Variants in OXR1 observed in about 807,000 individuals in gnomAD.
The protein encoded by OXR1 is oxidation resistance protein 1.
In OXR1, 41 loss-of-function variants were observed where a neutral mutation model predicts 104.6. The observed-to-expected ratio is 0.39, with a 90% confidence interval of 0.31 to 0.51. The LOEUF (loss-of-function observed/expected upper bound fraction) is 0.51. Ranked by LOEUF, OXR1 falls within the 20% of genes least tolerant of loss-of-function variation. OXR1 has a pLI of 0.77. For synonymous variants in OXR1, 348 were observed against 348.4 expected (o/e 1.00, Z 0.01); for missense variants, 955 against 1,031.9 (o/e 0.93, Z 1.02).
rs553219232 is a variant in OXR1 at position 106,370,576 on chromosome 8, A to G, written c.23+10940A>G. The stretch of plus-strand genomic sequence containing the variant: ...TATTATTTTGAGATATATTCCATCA[A>G]TACCTAGTTTATTGAGAGTTTTTAA... On this transcript the variant is annotated intron_variant, in intron 2 of 16. Transcript: ENST00000517566. Among the ~76,000 whole-genome samples, 3 of 152,322 alleles carry G rather than the reference A, an allele frequency of 2.0e-5. No homozygotes were observed. In the South Asian group the frequency reaches 6.2e-4, roughly 32 times the overall value.
chr8:106,521,173 C>A (rs753669067), intron 3 of OXR1, among the ~76,000 whole-genome samples: 2 of 152,112 alleles, frequency 1.3e-5, no homozygotes, highest in Non-Finnish European at 2.9e-5. Flanking sequence ...CGTATAATCA[C>A]CGGTATTGAA....
chr8:106,319,845 T>A (rs1814139495), intron 1 of OXR1, among the ~76,000 whole-genome samples: 1 of 152,236 alleles, frequency 6.6e-6, no homozygotes. Context: ...CACAACTTTT[T>A]GATTAGGAAT....
intron 8 of OXR1, among the ~76,000 whole-genome samples, chr8:106,704,143 C>G (rs1830874053): frequency 6.6e-6 from 1 of 151,930 alleles, no homozygotes; most frequent in African/African-American, 2.4e-5. Context: ...TTTAGAGCTG[C>G]AGATAATTCC....
rs188620117 is a variant in OXR1 at position 106,692,627 on chromosome 8, A to G, written c.526-101A>G. 8.1e-6 allele frequency: 5 copies of G among 615,798 alleles called. No individual in the cohort carries two copies. In the East Asian group the frequency reaches 1.2e-4, roughly 15 times the overall value. The allele number at this position is 615,798 out of a possible 1,614,324, so 38.1% of individuals were successfully genotyped here. The stretch of plus-strand genomic sequence containing the variant: ...TTCCAGAATGCGGTGAAATGAAACA[A>G]CACTTATTGGGGAAAGCTATTCATT... On this transcript the variant is annotated intron_variant, in intron 6 of 16. Transcript: ENST00000517566.
intron 2 of OXR1, among the ~76,000 whole-genome samples, chr8:106,438,319 G>A (rs552494420): frequency 3.9e-5 from 6 of 152,128 alleles, no homozygotes; most frequent in African/African-American, 9.6e-5. Flanking sequence ...ATGCAAAACA[G>A]GAGTCACTAG....
chr8:106,400,328 A>T (rs1168185618), intron 2 of OXR1, among the ~76,000 whole-genome samples: 1 of 152,160 alleles, frequency 6.6e-6, no homozygotes. Flanking sequence ...GTAGATGCTC[A>T]AAAGTATTTT....
chr8:106,437,945 A>G (rs1819643220), intron 2 of OXR1, among the ~76,000 whole-genome samples: 1 of 152,138 alleles, frequency 6.6e-6, no homozygotes, highest in Non-Finnish European at 1.5e-5. Flanking sequence ...GTAGAGATGT[A>G]AAGAAAACTA....
intron 2 of OXR1, among the ~76,000 whole-genome samples, chr8:106,386,876 A>AT (rs553757912): frequency 3.6e-4 from 55 of 152,204 alleles, no homozygotes; most frequent in Non-Finnish European, 6.9e-4. Flanking sequence ...TAGGCTGATG[A>AT]TTTTTTAGCA....
intron 3 of OXR1, among the ~76,000 whole-genome samples, chr8:106,537,661 C>A (rs1258090479): frequency 7.0e-6 from 1 of 142,404 alleles, no homozygotes; most frequent in Non-Finnish European, 1.5e-5. Flanking sequence ...TGCATATGTA[C>A]CCTAGAACTT....
At chr8:106,616,026 CCTT>C (rs1821191372) in intron 3 of OXR1, among the ~76,000 whole-genome samples, 1 of 134,614 alleles carries the variant, frequency 7.4e-6, no homozygotes, top group Non-Finnish European at 1.5e-5. Context: ...CAATGAAACA[CCTT>C]CTTTTTTTTT....
chr8:106,452,785 C>A (rs1820389672), intron 2 of OXR1, among the ~76,000 whole-genome samples: 1 of 151,978 alleles, frequency 6.6e-6, no homozygotes, highest in South Asian at 2.1e-4. Context: ...AGGATTCTTT[C>A]TATGTGGAAT....
rs117530023 is a variant in OXR1 at position 106,498,347 on chromosome 8, C to T, written c.24-20596C>T. ...TAAATCCCAAAACCATTTTGCTTTG[C>T]AAATAAATCAATCAAGCGTGTGACT... On this transcript the variant is annotated intron_variant, in intron 2 of 16. Transcript: ENST00000517566. Among the ~76,000 whole-genome samples the T allele has an allele frequency of 6.6e-3, 1,007 of 152,072 alleles. 5 individuals carry two copies. The highest frequency in any genetic ancestry group is 0.014 in the Middle Eastern group (4 of 294).
chr8:106,436,343 A>T (rs571979060), intron 2 of OXR1, among the ~76,000 whole-genome samples: 1 of 152,228 alleles, frequency 6.6e-6, no homozygotes, highest in East Asian at 1.9e-4. Flanking sequence ...GGTAATTAGC[A>T]TATCCAGGTT....
At chr8:106,500,551 A>G (rs1369931819) in intron 2 of OXR1, among the ~76,000 whole-genome samples, 1 of 152,214 alleles carries the variant, frequency 6.6e-6, no homozygotes, top group African/African-American at 2.4e-5. Flanking sequence ...TTGTGCATTC[A>G]GGGAGCTCGG....
chr8:106,651,066 G>T (rs551476137), intron 3 of OXR1, among the ~76,000 whole-genome samples: 1 of 152,266 alleles, frequency 6.6e-6, no homozygotes, highest in Admixed American at 6.5e-5. Flanking sequence ...GAGTCAAAAG[G>T]AGTGTGCTTT....
intron 6 of OXR1, 25 bp from the exon 7 acceptor site, chr8:106,692,703 T>C (rs1396528315): frequency 7.1e-7 from 1 of 1,414,476 alleles, no homozygotes. Flanking sequence ...CTTTTTTTTT[T>C]CTTTCCTTTA....
At chr8:106,408,404 A>G (rs1441561341) in intron 2 of OXR1, among the ~76,000 whole-genome samples, 1 of 151,982 alleles carries the variant, frequency 6.6e-6, no homozygotes, top group Non-Finnish European at 1.5e-5. Context: ...TGATGGTGAG[A>G]CTTCTCTTTC....
rs188495226 is a variant in OXR1 at position 106,376,715 on chromosome 8, C to T, written c.23+17079C>T. ...AAGTGGTTAGCCCTAAATTGGGGTT[C>T]CACCTCTGATTTCCACATGTGTGCT... is the stretch of plus-strand genomic sequence containing the variant. On this transcript the variant is annotated intron_variant, in intron 2 of 16. Transcript: ENST00000517566. Among the ~76,000 whole-genome samples the T allele has an allele frequency of 5.6e-4, 85 of 152,214 alleles. No homozygotes were observed. The Middle Eastern group carries it at 0.01, about 18-fold the overall frequency.
At chr8:106,571,362 C>CAG (rs751481382) in intron 3 of OXR1, among the ~76,000 whole-genome samples, 15 of 151,922 alleles carry the variant, frequency 9.9e-5, no homozygotes, top group Non-Finnish European at 1.9e-4. Flanking sequence ...GAAAGAGAGA[C>CAG]AGAGAGAGAG....
Sources: gnomAD v4.1 joint callset for allele counts (sites outside exome capture counted in the v4.1 genomes callset) on GRCh38, gnomAD v4.1.1 for gene constraint, MANE v1.5 for transcripts, NCBI Gene and HGNC (gene_info 2026-07-23, HGNC 2026-07-21) for gene names.